Variants in C5AR1 observed in about 807,000 individuals in gnomAD.
C5AR1 encodes the protein complement C5a receptor 1.
A neutral mutation model predicts 2.4 loss-of-function variants in C5AR1; 4 were observed. The observed-to-expected ratio is 1.65, with a 90% CI of 0.81 to 3.77. The LOEUF (loss-of-function observed/expected upper bound fraction) is 3.77. Ranked by LOEUF, C5AR1 falls within the 30% of genes most tolerant of loss-of-function variation. The pLI is 0.01. For missense variants in C5AR1, 418 were observed against 462.5 expected, an observed-to-expected ratio of 0.90 and a Z score of 0.88; for synonymous variants, 209 against 210.4, an observed-to-expected ratio of 0.99 and a Z score of 0.06.
intron 1 of C5AR1, among the ~76,000 whole-genome samples, chr19:47,310,936 G>A (rs1312369850): frequency 2.0e-5 from 3 of 152,206 alleles, no homozygotes; most frequent in African/African-American, 7.2e-5. Context: ...TGCACCCCAG[G>A]CTAAATGAGG....
Position 47,321,106 on chromosome 19 carries a change from A to G in C5AR1, c.*276A>G, listed in dbSNP as rs1370509299. On this transcript the variant is annotated 3_prime_UTR_variant, in exon 2 of 2. Transcript: ENST00000355085. Reference sequence around the variant, plus strand: ...TCCATCCCAGGCTTTTGAAAAACAAACAGAAACCCGTGTATCTGGGATATT... The same window carrying G: ...TCCATCCCAGGCTTTTGAAAAACAAGCAGAAACCCGTGTATCTGGGATATT... 1 of 247,162 alleles carries G rather than the reference A, an allele frequency of 4.0e-6. No homozygotes were observed. The highest frequency in any genetic ancestry group is 7.4e-6 in the Non-Finnish European group (1 of 134,644). 15.3% of individuals were successfully genotyped at this position (247,162 alleles called of 1,614,324 possible).
chr19:47,317,517 A>ATAT (rs1372446859), intron 1 of C5AR1, among the ~76,000 whole-genome samples: 116 of 111,440 alleles, frequency 1.0e-3, no homozygotes, highest in Admixed American at 5.9e-3. Flanking sequence ...CAAAAAAAAA[A>ATAT]AAATATATAT....
chr19:47,319,304 ATTTTTTTTT>A (rs34731685), intron 1 of C5AR1, among the ~76,000 whole-genome samples: 2 of 94,138 alleles, frequency 2.1e-5, no homozygotes, highest in African/African-American at 8.6e-5. Flanking sequence ...GAATCATTTC[ATTTTTTTTT>A]TTTTTTTTTT....
Position 47,320,991 on chromosome 19 carries a change from G to T in C5AR1, c.*161G>T. The stretch of plus-strand genomic sequence containing the variant: ...AGACTTGTCCCTCCTTTTCCAGCGG[G>T]ACTCTTCTCATCCTTCCTCATTTGC... On this transcript the variant is annotated 3_prime_UTR_variant, in exon 2 of 2. Transcript: ENST00000355085. This position sits in a 1 kb window ranked among gnomAD's most constrained non-coding sequence, Gnocchi z 4.9. The T allele has an allele frequency of 1.6e-6, 1 of 630,742 alleles. No individual in the cohort carries two copies. Among genetic ancestry groups the T allele is most frequent in the East Asian group, 2.9e-5 (1 of 34,994 alleles). The allele number at this position is 630,742 out of a possible 1,614,324, so 39.1% of individuals were successfully genotyped here.
chr19:47,321,017 A>G lies in C5AR1; in HGVS notation c.*187A>G, dbSNP rs1415548364. 3.8e-6 allele frequency: 2 copies of G among 521,182 alleles called. No homozygotes were observed. The highest frequency in any genetic ancestry group is 6.8e-6 in the Non-Finnish European group (2 of 294,324). The allele number at this position is 521,182 out of a possible 1,614,324, so 32.3% of individuals were successfully genotyped here. On this transcript the variant is annotated 3_prime_UTR_variant, in exon 2 of 2. Coordinates refer to ENST00000355085, the MANE Select transcript of C5AR1 (RefSeq NM_001736.4). ...ACTCTTCTCATCCTTCCTCATTTGC[A>G]AGGTGAACACTTCCTTCTAGGGAGC...
chr19:47,310,036 C>T, intron 1 of C5AR1, 138 bp downstream of exon 1: 1 of 795,394 alleles, frequency 1.3e-6, no homozygotes, highest in Non-Finnish European at 2.0e-6. Context: ...TCCCTGTCTT[C>T]CACCTCCCAC....
chr19:47,317,706 G>C (rs2059294515), intron 1 of C5AR1, among the ~76,000 whole-genome samples: 2 of 151,912 alleles, frequency 1.3e-5, no homozygotes, highest in South Asian at 4.2e-4. Context: ...AACCAGGCCG[G>C]GTGTGGTGGC....
upstream of C5AR1, among the ~76,000 whole-genome samples, chr19:47,309,629 G>T (rs1438593824): frequency 1.3e-5 from 2 of 151,198 alleles, no homozygotes; most frequent in South Asian, 4.2e-4. Context: ...GGAAACCAAG[G>T]CCAGGAGAGG....
intron 1 of C5AR1, among the ~76,000 whole-genome samples, chr19:47,313,256 G>C (rs1014082602): frequency 6.6e-6 from 1 of 152,010 alleles, no homozygotes; most frequent in Admixed American, 6.6e-5. Context: ...GATTATAGGC[G>C]TGAGCCACCG....
chr19:47,319,750 C>T (rs776358699), intron 1 of C5AR1, 31 bp from the exon 2 acceptor site: 7 of 1,425,944 alleles, frequency 4.9e-6, no homozygotes, highest in Non-Finnish European at 6.9e-6. Flanking sequence ...TCTGCAGACT[C>T]ATCCTCTCTG....
intron 1 of C5AR1, among the ~76,000 whole-genome samples, chr19:47,313,245 G>A (rs1397122322): frequency 6.6e-6 from 1 of 151,948 alleles, no homozygotes; most frequent in Non-Finnish European, 1.5e-5. Context: ...CAAAGTGCTG[G>A]GATTATAGGC....
chr19:47,317,979 C>A (rs2059295482), intron 1 of C5AR1, among the ~76,000 whole-genome samples: 5 of 134,304 alleles, frequency 3.7e-5, no homozygotes, highest in Admixed American at 7.5e-5. Context: ...GACTCCATCT[C>A]AAAAAAAAAA....
At chr19:47,319,190 C>T (rs937947761) in intron 1 of C5AR1, among the ~76,000 whole-genome samples, 2 of 151,054 alleles carry the variant, frequency 1.3e-5, no homozygotes, top group Non-Finnish European at 3.0e-5. Flanking sequence ...GCCAGTAGGG[C>T]TAGACTTTGA....
Position 47,320,370 on chromosome 19 carries a change from G to A in C5AR1, c.593G>A (p.Arg198Gln), listed in dbSNP as rs775417132. 9.9e-6 allele frequency: 16 copies of A among 1,609,740 alleles called. No homozygotes were observed. The highest frequency in any genetic ancestry group is 3.3e-5 in the Admixed American group (2 of 60,010). Reference protein sequence around the residue: ...CGVDYSHDKRRERAVAIVRLV... With the variant: ...CGVDYSHDKRQERAVAIVRLV... Reference sequence around the variant, plus strand: ...GTGGACTACAGCCACGACAAACGGCGGGAGCGAGCCGTGGCCATCGTCCGG... The same window carrying A: ...GTGGACTACAGCCACGACAAACGGCAGGAGCGAGCCGTGGCCATCGTCCGG... The change falls in exon 2 of 2, where the codon CGG becomes CAG. Residue 198 changes from arginine to glutamine, a missense_variant. Coordinates refer to ENST00000355085, the MANE Select transcript of C5AR1 (RefSeq NM_001736.4). This position sits in a 1 kb window ranked among gnomAD's most constrained non-coding sequence, Gnocchi z 4.9.
chr19:47,316,795 T>G (rs1044238962), intron 1 of C5AR1, among the ~76,000 whole-genome samples: 5 of 152,062 alleles, frequency 3.3e-5, no homozygotes, highest in Non-Finnish European at 7.3e-5. Flanking sequence ...TTCAATAATT[T>G]ACTCATGGAT....
At position 47,320,189 on chromosome 19, in the gene C5AR1, G is replaced by A. The variant is rs761239247; in HGVS notation, c.412G>A (p.Val138Met). The A allele has an allele frequency of 6.2e-7, 1 of 1,614,210 alleles. No homozygotes were observed. The highest frequency in any genetic ancestry group is 1.7e-5 in the Admixed American group (1 of 60,026). Residue 138 changes from valine (V) to methionine (M), a missense_variant, in exon 2 of 2, where the codon GTG (valine) becomes ATG (methionine). Val to Met is a conservative substitution (Grantham distance 21). Coordinates refer to ENST00000355085, the MANE Select transcript of C5AR1 (RefSeq NM_001736.4). The surrounding 1 kb of genome is among the most constrained non-coding windows in gnomAD (Gnocchi z 4.9). ...CATCAGCGCCGACCGCTTTCTGCTG[G>A]TGTTTAAACCCATCTGGTGCCAGAA... ...ATISADRFLL[V>M]FKPIWCQNFR...
chr19:47,311,961 A>C (rs1380409402), intron 1 of C5AR1, among the ~76,000 whole-genome samples: 1 of 152,220 alleles, frequency 6.6e-6, no homozygotes, highest in African/African-American at 2.4e-5. Context: ...CAGATGCCTG[A>C]GAGCACAGAT....
intron 1 of C5AR1, among the ~76,000 whole-genome samples, chr19:47,314,178 A>T (rs1484428897): frequency 6.6e-6 from 1 of 152,072 alleles, no homozygotes; most frequent in African/African-American, 2.4e-5. Flanking sequence ...TGAGCATGTG[A>T]ATTTAGGAAG....
At chr19:47,314,608 G>C (rs1395247749) in intron 1 of C5AR1, among the ~76,000 whole-genome samples, 1 of 152,068 alleles carries the variant, frequency 6.6e-6, no homozygotes, top group Non-Finnish European at 1.5e-5. Context: ...ATGTTGGTCA[G>C]GCTGGTCTTG....
Sources: gnomAD v4.1 joint callset for allele counts (sites outside exome capture counted in the v4.1 genomes callset) on GRCh38, gnomAD v4.1.1 for gene constraint, Gnocchi (gnomAD v3.1) non-coding constraint, MANE v1.5 for transcripts, NCBI Gene and HGNC (gene_info 2026-07-23, HGNC 2026-07-21) for gene names.